TSPAN18: variants seen among roughly 807,000 people sequenced by gnomAD.
TSPAN18 encodes the protein tetraspanin 18.
A neutral mutation model predicts 27.3 loss-of-function variants in TSPAN18; 14 were observed. The ratio of observed to expected loss-of-function variants is 0.51; its 90% CI spans 0.34 to 0.80. TSPAN18 has a LOEUF of 0.80. Ranked by LOEUF, TSPAN18 falls within the 30% of genes least tolerant of loss-of-function variation. The pLI, the probability that TSPAN18 is intolerant of heterozygous loss-of-function variation, is 0.01. For synonymous variants in TSPAN18, 143 were observed against 136.5 expected, an observed-to-expected ratio of 1.05 and a Z score of -0.33; for missense variants, 268 against 323.9, an observed-to-expected ratio of 0.83 and a Z score of 1.32.
intron 2 of TSPAN18, among the ~76,000 whole-genome samples, chr11:44,787,813 G>A (rs1339735730): frequency 6.6e-6 from 1 of 152,072 alleles, no homozygotes; most frequent in Non-Finnish European, 1.5e-5. Flanking sequence ...GTCCTTTTTT[G>A]CGAGGGTGCT....
intron 1 of TSPAN18, among the ~76,000 whole-genome samples, chr11:44,734,758 G>A (rs537230679): frequency 1.2e-3 from 185 of 152,304 alleles, no homozygotes; most frequent in African/African-American, 4.2e-3. Flanking sequence ...TCAGGGCTGG[G>A]GGTGTTGCTG....
Position 44,921,486 on chromosome 11 carries a change from C to T in TSPAN18, c.615+1487C>T, listed in dbSNP as rs189553666. 2.6e-3 allele frequency among the ~76,000 whole-genome samples: 398 copies of T among 152,212 alleles called. 1 individual carries two copies. Among genetic ancestry groups the T allele is most frequent in the African/African-American group, 9.2e-3 (381 of 41,542 alleles). ...CCTGCCTTGCAGCTAGACCATGTAA[C>T]CGAGTTCTGGCTAACGGGAGGTGAG... On this transcript the variant is annotated intron_variant, in intron 8 of 9. Transcript: ENST00000520358.
chr11:44,867,389 CTTTTTTTTTTTTTTT>C (rs71038824), intron 3 of TSPAN18, among the ~76,000 whole-genome samples: 1 of 60,410 alleles, frequency 1.7e-5, no homozygotes, highest in Admixed American at 2.8e-4. Flanking sequence ...GTTTATGAAT[CTTTTTTTTTTTTTTT>C]TTTTTTTTTT....
chr11:44,923,441 CA>C (rs1358114482), intron 8 of TSPAN18, among the ~76,000 whole-genome samples: 1 of 152,098 alleles, frequency 6.6e-6, no homozygotes, highest in African/African-American at 2.4e-5. Flanking sequence ...CGGGTGGTGA[CA>C]GGGGAAACCG....
intron 1 of TSPAN18, among the ~76,000 whole-genome samples, chr11:44,757,254 C>T (rs999178264): frequency 1.3e-5 from 2 of 151,934 alleles, no homozygotes; most frequent in Non-Finnish European, 2.9e-5. Context: ...CTAGCCAACA[C>T]TTGTTATTTT....
chr11:44,927,713 G>A (rs978612297), intron 9 of TSPAN18, among the ~76,000 whole-genome samples: 3 of 152,146 alleles, frequency 2.0e-5, no homozygotes, highest in Non-Finnish European at 4.4e-5. Context: ...AGATAAATCC[G>A]CAGCAAGCCC....
At chr11:44,740,474 C>G (rs964724255) in intron 1 of TSPAN18, among the ~76,000 whole-genome samples, 1 of 152,170 alleles carries the variant, frequency 6.6e-6, no homozygotes, top group Non-Finnish European at 1.5e-5. Flanking sequence ...GCATGGGGCA[C>G]CTGGTGCTGC....
chr11:44,866,637 C>T (rs572043225), intron 3 of TSPAN18, among the ~76,000 whole-genome samples: 2 of 152,348 alleles, frequency 1.3e-5, no homozygotes, highest in Admixed American at 6.5e-5. Context: ...AAGAGCTGTT[C>T]CGGGAACAGG....
At chr11:44,759,168 A>G (rs1004698121) in intron 1 of TSPAN18, among the ~76,000 whole-genome samples, 1 of 152,230 alleles carries the variant, frequency 6.6e-6, no homozygotes, top group African/African-American at 2.4e-5. Flanking sequence ...ACTGCCCTGC[A>G]TACTGGAGCT....
chr11:44,894,009 T>C (rs1454330904), intron 3 of TSPAN18, among the ~76,000 whole-genome samples: 1 of 152,170 alleles, frequency 6.6e-6, no homozygotes, highest in Non-Finnish European at 1.5e-5. Flanking sequence ...CTCACTAGAC[T>C]TGAGTGAGTC....
chr11:44,763,622 T>G (rs1237849109), intron 1 of TSPAN18, among the ~76,000 whole-genome samples: 1 of 152,216 alleles, frequency 6.6e-6, no homozygotes, highest in Non-Finnish European at 1.5e-5. Flanking sequence ...CAGAAAGCCT[T>G]TTTTTCAGCC....
chr11:44,727,571 G>A (rs1565123304), intron 1 of TSPAN18, among the ~76,000 whole-genome samples: 2 of 152,060 alleles, frequency 1.3e-5, no homozygotes, highest in Non-Finnish European at 2.9e-5. Context: ...CAGTGCTCCG[G>A]GTGGAGGAGT....
At chr11:44,839,745 G>A (rs1857333286) in intron 2 of TSPAN18, among the ~76,000 whole-genome samples, 1 of 152,144 alleles carries the variant, frequency 6.6e-6, no homozygotes, top group Non-Finnish European at 1.5e-5. Flanking sequence ...GGTAAGTGTT[G>A]TGGGGCAGAA....
At chr11:44,726,845 T>C (rs899074698), upstream of TSPAN18, 1 of 123,060 alleles carries the variant, frequency 8.1e-6, no homozygotes, top group African/African-American at 3.1e-5. Flanking sequence ...GACGCGCTTC[T>C]CGGCAGCAAC....
At chr11:44,902,866 G>A (rs1463231958) in intron 3 of TSPAN18, among the ~76,000 whole-genome samples, 3 of 152,190 alleles carry the variant, frequency 2.0e-5, no homozygotes, top group African/African-American at 7.2e-5. Flanking sequence ...AGGAGAACAC[G>A]ACTGTGGGTT....
At chr11:44,878,393 C>G (rs1440538071) in intron 3 of TSPAN18, among the ~76,000 whole-genome samples, 2 of 152,176 alleles carry the variant, frequency 1.3e-5, no homozygotes, top group East Asian at 3.9e-4. Flanking sequence ...CTGAGGAAGG[C>G]TCCCTGCTCT....
At chr11:44,745,810 G>C (rs890232890) in intron 1 of TSPAN18, among the ~76,000 whole-genome samples, 28 of 152,250 alleles carry the variant, frequency 1.8e-4, no homozygotes, top group African/African-American at 6.5e-4. Flanking sequence ...GGTGGATCAC[G>C]AGGTCAGGAG....
intron 2 of TSPAN18, among the ~76,000 whole-genome samples, chr11:44,813,568 G>T (rs1269253265): frequency 2.0e-5 from 3 of 152,196 alleles, no homozygotes; most frequent in Non-Finnish European, 4.4e-5. Flanking sequence ...AGCAGGCGCT[G>T]CTGGGAGTAA....
chr11:44,762,615 ATGTGTGTG>A (rs533032652), intron 1 of TSPAN18, among the ~76,000 whole-genome samples: 1 of 149,868 alleles, frequency 6.7e-6, no homozygotes, highest in Admixed American at 6.7e-5. Context: ...ATATACACAT[ATGTGTGTG>A]TGTGTGTGTG....
Sources: gnomAD v4.1 joint callset for allele counts (sites outside exome capture counted in the v4.1 genomes callset) on GRCh38, gnomAD v4.1.1 for gene constraint, MANE v1.5 for transcripts, NCBI Gene and HGNC (gene_info 2026-07-23, HGNC 2026-07-21) for gene names.